The following WDPCP variants were observed in gnomAD, a reference collection of about 807,000 sequenced individuals.
WDPCP encodes the protein WD repeat-containing and planar cell polarity effector protein fritz homolog.
Under a neutral mutation model 93.1 loss-of-function variants are expected in WDPCP, and 71 were observed. That is an observed-to-expected ratio of 0.76 (90% CI 0.63 to 0.93). WDPCP has a LOEUF of 0.93. Among genes scored for constraint, WDPCP ranks in the 40% least tolerant of loss-of-function variants. The pLI is 0.00. For missense variants in WDPCP, 844 were observed against 887.4 expected (o/e 0.95, Z 0.62); for synonymous variants, 315 against 315.0 (o/e 1.00, Z 0.00).
At chr2:63,811,022 T>C (rs1290824462) in intron 2 of WDPCP, among the ~76,000 whole-genome samples, 1 of 152,248 alleles carries the variant, frequency 6.6e-6, no homozygotes, top group Non-Finnish European at 1.5e-5. Flanking sequence ...CTATGTCTTC[T>C]ATAAAATACT....
chr2:63,484,956 T>C lies in WDPCP; in HGVS notation c.285A>G (p.Arg95=), dbSNP rs1421945848. The change falls in exon 5 of 18, where the codon AGA becomes AGG. Residue 95 remains arginine (R), a synonymous_variant. Coordinates refer to ENST00000272321, the MANE Select transcript of WDPCP (RefSeq NM_015910.7). ...SRDYPWTLKN[R]RPEKLRDSLK... ...GCGAGTCTCGGAGTTTTTCTGGGCGTCTGTTTTTGAGCGTCCAAGGATAAT... is the reference window on the plus strand; with the variant it reads ...GCGAGTCTCGGAGTTTTTCTGGGCGCCTGTTTTTGAGCGTCCAAGGATAAT... 1.9e-6 allele frequency: 3 copies of C among 1,612,650 alleles called. No individual in the cohort carries two copies. The highest frequency in any genetic ancestry group is 2.2e-5 in the South Asian group (2 of 91,052).
At chr2:63,469,982 T>C (rs942775605) in intron 6 of WDPCP, among the ~76,000 whole-genome samples, 4 of 152,176 alleles carry the variant, frequency 2.6e-5, no homozygotes, top group African/African-American at 9.6e-5. Context: ...TTGTTACAGG[T>C]ATCTTGGCAT....
intron 1 of WDPCP, among the ~76,000 whole-genome samples, chr2:63,514,042 T>A (rs1702404318): frequency 6.6e-6 from 1 of 152,126 alleles, no homozygotes; most frequent in Admixed American, 6.5e-5. Context: ...TCTTTCAAAG[T>A]AAGAAGGTAA....
intron 3 of WDPCP, among the ~76,000 whole-genome samples, chr2:63,646,070 T>TCTTC (rs1455234141): frequency 1.3e-5 from 2 of 152,188 alleles, no homozygotes; most frequent in Non-Finnish European, 1.5e-5. Flanking sequence ...AGCGGTTTTC[T>TCTTC]CTTCCTTCTT....
intron 1 of WDPCP, among the ~76,000 whole-genome samples, chr2:63,817,732 AAGTTAT>A (rs779181196): frequency 3.9e-5 from 6 of 152,338 alleles, no homozygotes; most frequent in Non-Finnish European, 8.8e-5. Flanking sequence ...CTCTCTACTA[AAGTTAT>A]AGTCTGTAAG....
At chr2:63,159,237 T>C (rs537439348) in intron 15 of WDPCP, among the ~76,000 whole-genome samples, 24 of 151,916 alleles carry the variant, frequency 1.6e-4, no homozygotes, top group Non-Finnish European at 3.5e-4. Context: ...CTATTTCTTT[T>C]TGATACTTGG....
At position 63,751,757 on chromosome 2, in the gene WDPCP, T is replaced by C. The variant is rs949852082; in HGVS notation, n.308+61865A>G. On this transcript the variant is annotated intron_variant and non_coding_transcript_variant, in intron 2 of 4. Transcript: ENST00000467687. ...AATTGACATAGTCACCTTGGTTTTG[T>C]GGTTTGGCAAAGTATTGGCCTCCAA... The C allele has an allele frequency of 3.9e-5, 23 of 587,860 alleles. No individual in the cohort carries two copies. In the Admixed American group the frequency reaches 4.5e-4, roughly 11 times the overall value. The allele number at this position is 587,860 out of a possible 1,614,324, so 36.4% of individuals were successfully genotyped here. A position where few individuals can be genotyped will look rare whatever the true frequency, so the allele number is the denominator to read the frequency against.
intron 14 of WDPCP, among the ~76,000 whole-genome samples, chr2:63,237,321 A>T (rs1054287464): frequency 6.6e-6 from 1 of 152,174 alleles, no homozygotes; most frequent in African/African-American, 2.4e-5. Context: ...TTAAAAAATT[A>T]AAAAACAGCA....
intron 12 of WDPCP, among the ~76,000 whole-genome samples, chr2:63,360,262 G>A (rs1690346454): frequency 6.6e-6 from 1 of 152,176 alleles, no homozygotes; most frequent in Non-Finnish European, 1.5e-5. Flanking sequence ...GGAAGTCTGT[G>A]TCTTGTTATA....
intron 2 of WDPCP, among the ~76,000 whole-genome samples, chr2:63,705,372 T>C (rs868366736): frequency 5.7e-4 from 87 of 152,348 alleles, no homozygotes; most frequent in Middle Eastern, 6.8e-3. Context: ...GCTTCTCTAG[T>C]TCTTCTAATT....
intron 2 of WDPCP, among the ~76,000 whole-genome samples, chr2:63,690,441 T>C (rs1668873783): frequency 6.6e-6 from 1 of 152,084 alleles, no homozygotes; most frequent in African/African-American, 2.4e-5. Flanking sequence ...TAGCCTTCTG[T>C]AGTTCAGCAG....
chr2:63,515,539 G>A (rs1391318967), intron 1 of WDPCP, among the ~76,000 whole-genome samples: 1 of 152,172 alleles, frequency 6.6e-6, no homozygotes, highest in African/African-American at 2.4e-5. Flanking sequence ...AACTGATTGT[G>A]CTAGGAAAAG....
rs142263941 is a variant in WDPCP at position 63,687,036 on chromosome 2, C to T, written n.309-36198G>A. Among the ~76,000 whole-genome samples the T allele has an allele frequency of 2.1e-3, 319 of 152,168 alleles. 1 individual carries two copies. Among genetic ancestry groups the T allele is most frequent in the African/African-American group, 7.2e-3 (297 of 41,512 alleles). On this transcript the variant is annotated intron_variant and non_coding_transcript_variant, in intron 2 of 4. Transcript: ENST00000467687. ...CATCAGAAGAAGAATTGTCTTGGAC[C>T]ACACATAAAATACACTAACACTAAT...
At chr2:63,523,268 A>G (rs1423683732) in intron 1 of WDPCP, among the ~76,000 whole-genome samples, 1 of 152,240 alleles carries the variant, frequency 6.6e-6, no homozygotes, top group Non-Finnish European at 1.5e-5. Context: ...CCTTCATGTT[A>G]AAAACTCTCA....
Position 63,730,607 on chromosome 2 carries a change from G to C in WDPCP, n.309-79769C>G, listed in dbSNP as rs144351612. ...GCCTCCCGAGTAGCTGGGATTACAG[G>C]TGCCCACCACCATACCTGGCTAATT... is the stretch of plus-strand genomic sequence containing the variant. On this transcript the variant is annotated intron_variant and non_coding_transcript_variant, in intron 2 of 4. Transcript: ENST00000467687. Among the ~76,000 whole-genome samples, 320 of 152,168 alleles carry C rather than the reference G, an allele frequency of 2.1e-3. 2 individuals carry two copies. The highest frequency in any genetic ancestry group is 7.6e-3 in the African/African-American group (314 of 41,518).
At chr2:63,374,902 A>G (rs1691720616) in intron 12 of WDPCP, among the ~76,000 whole-genome samples, 1 of 152,090 alleles carries the variant, frequency 6.6e-6, no homozygotes, top group South Asian at 2.1e-4. Flanking sequence ...AGACATCAAT[A>G]CATTACCCCA....
rs61597471 is a variant in WDPCP, at chr2:63,657,205, G to GTTTTT, written n.309-6372_309-6368dup. On this transcript the variant is annotated intron_variant and non_coding_transcript_variant, in intron 2 of 4. Transcript: ENST00000467687. ...ACAGATGAGACAGGTTCTGGGTGAT[G>GTTTTT]TTTTTTTTTTTTTTTTTGCGACGGA... Among the ~76,000 whole-genome samples, 77 of 114,114 alleles carry GTTTTT rather than the reference G, an allele frequency of 6.7e-4. 3 individuals carry two copies. The highest frequency in any genetic ancestry group is 1.4e-3 in the African/African-American group (39 of 28,842). 74.9% of individuals were successfully genotyped at this position (114,114 alleles called of 152,430 possible).
rs556912372 is a variant in WDPCP at position 63,486,245 on chromosome 2, A to G, written c.253+297T>C. Among the ~76,000 whole-genome samples, 3 of 152,012 alleles carry G rather than the reference A, an allele frequency of 2.0e-5. No homozygotes were observed. The East Asian group carries it at 5.8e-4, about 29-fold the overall frequency. ...ATTTAGGCAAAGTATGAATAATTAA[A>G]TGTTACTATCAGAATTTAAGCTTGG... On this transcript the variant is annotated intron_variant, in intron 4 of 17. Coordinates refer to ENST00000272321, the MANE Select transcript of WDPCP (RefSeq NM_015910.7).
intron 14 of WDPCP, among the ~76,000 whole-genome samples, chr2:63,180,099 C>A (rs2104075238): frequency 6.6e-6 from 1 of 152,164 alleles, no homozygotes; most frequent in Middle Eastern, 3.4e-3. Flanking sequence ...TAAATAGGAG[C>A]TAAATACTGT....
Sources: allele counts gnomAD v4.1 joint callset (sites outside exome capture counted in the v4.1 genomes callset), GRCh38; gene constraint gnomAD v4.1.1; transcripts MANE v1.5; gene names NCBI Gene and HGNC (gene_info 2026-07-23, HGNC 2026-07-21).